The following KIAA1958 variants were observed in gnomAD, a reference collection of about 807,000 sequenced individuals.
KIAA1958 encodes the protein uncharacterized protein KIAA1958.
Under a neutral mutation model 47.2 loss-of-function variants are expected in KIAA1958, and 14 were observed. That is an observed-to-expected ratio of 0.30 (90% CI 0.20 to 0.46). The LOEUF (loss-of-function observed/expected upper bound fraction) is 0.46. Ranked by LOEUF, KIAA1958 falls within the 20% of genes least tolerant of loss-of-function variation. The probability of loss-of-function intolerance (pLI) is 1.00; values close to 1 mark genes in which losing one functional copy is unlikely to be tolerated. For synonymous variants in KIAA1958, 354 were observed against 353.3 expected (o/e 1.00, Z -0.02); for missense variants, 803 against 909.2 (o/e 0.88, Z 1.50).
At position 112,642,057 on chromosome 9, in the gene KIAA1958, G is replaced by A. The variant is rs573518422; in HGVS notation, c.1172-3593G>A. The stretch of plus-strand genomic sequence containing the variant: ...TGCTACTGGTTTTCCCCATTGCCAA[G>A]TGATGCTTATGTACTCACATTTTAA... On this transcript the variant is annotated intron_variant, in intron 2 of 3. Coordinates refer to ENST00000337530, the MANE Select transcript of KIAA1958 (RefSeq NM_133465.4). Among the ~76,000 whole-genome samples the A allele has an allele frequency of 4.3e-4, 65 of 152,302 alleles. 2 individuals carry two copies. The highest frequency in any genetic ancestry group is 1.5e-3 in the African/African-American group (62 of 41,556).
At chr9:112,556,711 G>A (rs1452978391) in intron 1 of KIAA1958, among the ~76,000 whole-genome samples, 10 of 152,200 alleles carry the variant, frequency 6.6e-5, no homozygotes, top group Admixed American at 6.5e-4. Context: ...TGAAAACGAT[G>A]CATACTTGTT....
intron 1 of KIAA1958, among the ~76,000 whole-genome samples, chr9:112,509,981 C>T (rs1834295983): frequency 6.6e-6 from 1 of 152,146 alleles, no homozygotes; most frequent in Non-Finnish European, 1.5e-5. Flanking sequence ...ATTCTCTGAG[C>T]ATAAGTGGTT....
At chr9:112,633,491 A>T (rs1836745804) in intron 2 of KIAA1958, among the ~76,000 whole-genome samples, 1 of 152,146 alleles carries the variant, frequency 6.6e-6, no homozygotes, top group African/African-American at 2.4e-5. Flanking sequence ...TTATTGAATT[A>T]TACAATACTT....
Position 112,618,538 on chromosome 9 carries a change from G to C in KIAA1958, c.1172-27112G>C. ...TGTATGCCACCCAGCACGCCCCACA[G>C]ACCTGCCCTGTCCAGGACTATAAGG... On this transcript the variant is annotated intron_variant, in intron 2 of 3. Coordinates refer to ENST00000337530, the MANE Select transcript of KIAA1958 (RefSeq NM_133465.4). This position sits in a 1 kb window ranked among gnomAD's most constrained non-coding sequence, Gnocchi z 7.1. The C allele has an allele frequency of 1.3e-6, 2 of 1,550,710 alleles. No homozygotes were observed. The highest frequency in any genetic ancestry group is 1.7e-6 in the Non-Finnish European group (2 of 1,147,020).
At position 112,659,854 on chromosome 9, in the gene KIAA1958, A is replaced by G; in HGVS notation, c.1936A>G (p.Met646Val). The change falls in exon 4 of 4, where the codon ATG (methionine) becomes GTG (valine). Residue 646 changes from methionine to valine, a missense_variant. Physicochemically the swap from Met to Val is conservative, Grantham distance 21. Coordinates refer to ENST00000337530, the MANE Select transcript of KIAA1958 (RefSeq NM_133465.4). ...YMYIHRPPTQ[M>V]EAKSPFYLTA... ...GTACATCCACCGGCCGCCCACCCAA[A>G]TGGAGGCCAAGTCCCCCTTCTACCT... The G allele has an allele frequency of 1.2e-6, 2 of 1,613,982 alleles. No individual in the cohort carries two copies. The highest frequency in any genetic ancestry group is 1.7e-6 in the Non-Finnish European group (2 of 1,179,934).
At chr9:112,524,791 C>G (rs1834611839) in intron 1 of KIAA1958, among the ~76,000 whole-genome samples, 1 of 152,124 alleles carries the variant, frequency 6.6e-6, no homozygotes, top group South Asian at 2.1e-4. Flanking sequence ...AGAGGATTAG[C>G]AAGTCTTTAA....
intron 2 of KIAA1958, among the ~76,000 whole-genome samples, chr9:112,637,157 A>G (rs975005577): frequency 1.3e-5 from 2 of 152,196 alleles, no homozygotes; most frequent in African/African-American, 4.8e-5. Flanking sequence ...TTCTGTATAT[A>G]TTTAGAACCC....
In KIAA1958 at chr9:112,660,561, G is replaced by A. The variant is rs2131256102; in HGVS notation, c.*492G>A. 6.3e-6 allele frequency: 1 copy of A among 158,194 alleles called. No homozygotes were observed. Among genetic ancestry groups the A allele is most frequent in the African/African-American group, 2.4e-5 (1 of 41,594 alleles). The allele number at this position is 158,194 out of a possible 1,614,324, so 9.8% of individuals were successfully genotyped here. ...TTCCAGGAGACAGATTGCGCTTGAT[G>A]CGCCTTTTTTTTCTGTTGGTGGATA... On this transcript the variant is annotated 3_prime_UTR_variant, in exon 4 of 4. Transcript: ENST00000337530.
chr9:112,497,171 C>T (rs1474749251), intron 1 of KIAA1958, among the ~76,000 whole-genome samples: 1 of 152,066 alleles, frequency 6.6e-6, no homozygotes, highest in African/African-American at 2.4e-5. Context: ...ATATTACAAC[C>T]AGGATATTGA....
intron 2 of KIAA1958, among the ~76,000 whole-genome samples, chr9:112,625,062 G>T (rs1836584223): frequency 6.6e-6 from 1 of 152,054 alleles, no homozygotes; most frequent in African/African-American, 2.4e-5. Context: ...GACTGACTGA[G>T]CTGCTGTTCC....
intron 1 of KIAA1958, among the ~76,000 whole-genome samples, chr9:112,555,609 G>A (rs986107006): frequency 1.3e-4 from 20 of 152,166 alleles, no homozygotes; most frequent in African/African-American, 4.8e-4. Context: ...GCATCTTCTC[G>A]TCTTCTCACA....
chr9:112,535,033 A>G (rs1217997549), intron 1 of KIAA1958, among the ~76,000 whole-genome samples: 1 of 152,230 alleles, frequency 6.6e-6, no homozygotes, highest in Non-Finnish European at 1.5e-5. Flanking sequence ...GTTTTGATAC[A>G]TGTATGCATT....
chr9:112,656,112 C>T (rs1837146024), intron 3 of KIAA1958, among the ~76,000 whole-genome samples: 1 of 152,120 alleles, frequency 6.6e-6, no homozygotes, highest in Admixed American at 6.5e-5. Flanking sequence ...GTGGCTCAAG[C>T]CTATAATCCC....
At chr9:112,543,567 CTTTTTTTTT>C (rs138422704) in intron 1 of KIAA1958, among the ~76,000 whole-genome samples, 3 of 108,180 alleles carry the variant, frequency 2.8e-5, no homozygotes, top group Admixed American at 1.9e-4. Context: ...TTCTGAGCTT[CTTTTTTTTT>C]TTTTTTTTTT....
rs116744513 is a variant in KIAA1958, at chr9:112,669,343, A to G, written c.*9274A>G. 6.0e-3 allele frequency: 909 copies of G among 152,326 alleles called. 8 individuals are homozygous for G. The highest frequency in any genetic ancestry group is 0.02 in the African/African-American group (842 of 41,550). 9.4% of individuals were successfully genotyped at this position (152,326 alleles called of 1,614,324 possible). On this transcript the variant is annotated 3_prime_UTR_variant, in exon 4 of 4. Transcript: ENST00000337530. ...TTGTTGTTTGGGTTCACTTATGTAT[A>G]TGCAGCTTGACTGTTCAACCCAGAT...
rs896366253 is a variant in KIAA1958, at chr9:112,575,218, A to T, written c.1138A>T (p.Ile380Leu). The part of the protein sequence containing the change: ...SQQQPPVAPA[I>L]TTEATAQCIP... The stretch of plus-strand genomic sequence containing the variant: ...GCAGCAGCCCCCAGTCGCTCCAGCC[A>T]TAACCACTGAGGCCACAGCACAGTG... The change falls in exon 2 of 4, where the codon ATA (isoleucine) becomes TTA (leucine). Residue 380 changes from isoleucine (I) to leucine (L), a missense_variant. Around this residue, in one of 2 missense-constraint regions of KIAA1958, gnomAD observed 761 missense variants for 829.3 expected, o/e 0.92. Transcript: ENST00000337530. The T allele has an allele frequency of 1.9e-6, 3 of 1,572,614 alleles. No individual in the cohort carries two copies. The South Asian group carries it at 3.5e-5, about 19-fold the overall frequency.
At chr9:112,540,927 C>G (rs1834929992) in intron 1 of KIAA1958, among the ~76,000 whole-genome samples, 1 of 151,782 alleles carries the variant, frequency 6.6e-6, no homozygotes, top group Non-Finnish European at 1.5e-5. Flanking sequence ...AATTGTGTTG[C>G]CTGGGCTGGT....
chr9:112,587,396 C>T (rs988416847), intron 2 of KIAA1958, among the ~76,000 whole-genome samples: 5 of 152,126 alleles, frequency 3.3e-5, no homozygotes, highest in Non-Finnish European at 5.9e-5. Flanking sequence ...GTGATCCACC[C>T]GCTTTGGCCC....
chr9:112,547,751 C>T (rs1056123175), intron 1 of KIAA1958, among the ~76,000 whole-genome samples: 2 of 152,168 alleles, frequency 1.3e-5, no homozygotes, highest in African/African-American at 4.8e-5. Flanking sequence ...AAAATTCCTT[C>T]CCTTTCCAGA....
Sources: gnomAD v4.1 joint callset for allele counts (sites outside exome capture counted in the v4.1 genomes callset) on GRCh38, gnomAD v4.1.1 for gene constraint, gnomAD v4.1.1 regional missense constraint, Gnocchi (gnomAD v3.1) non-coding constraint, MANE v1.5 for transcripts, NCBI Gene and HGNC (gene_info 2026-07-23, HGNC 2026-07-21) for gene names.